Variants in POU2F2 observed in about 807,000 individuals in gnomAD.
POU2F2 encodes POU class 2 homeobox 2.
POU2F2 carries 14 observed loss-of-function variants against 63.5 expected under a neutral mutation model. The ratio of observed to expected loss-of-function variants is 0.22; its 90% CI spans 0.15 to 0.34. The LOEUF (loss-of-function observed/expected upper bound fraction) is 0.34, where lower values mean the gene tolerates loss of function less well. Ranked by LOEUF, POU2F2 falls within the 10% of genes least tolerant of loss-of-function variation. The pLI is 1.00. For synonymous variants in POU2F2, 306 were observed against 348.6 expected, an observed-to-expected ratio of 0.88 and a Z score of 1.36; for missense variants, 607 against 815.2, an observed-to-expected ratio of 0.74 and a Z score of 3.11.
At chr19:42,132,336 A>G (rs1446354766) in intron 1 of POU2F2, 48 bp downstream of exon 1, 2 of 1,583,914 alleles carry the variant, frequency 1.3e-6, no homozygotes, top group South Asian at 1.1e-5. Flanking sequence ...GCAAACCTAA[A>G]TGTGCTGCCT....
At chr19:42,112,029 C>T (rs1184670207) in intron 5 of POU2F2, among the ~76,000 whole-genome samples, 1 of 152,208 alleles carries the variant, frequency 6.6e-6, no homozygotes, top group Non-Finnish European at 1.5e-5. Context: ...AAAATACCTA[C>T]ATATGGACTG....
chr19:42,196,492 C>T (rs2035147069), exon 1 of POU2F2: 1 of 152,374 alleles, frequency 6.6e-6, no homozygotes, highest in Admixed American at 6.5e-5. Context: ...CCCCGTCACT[C>T]TGTTGAACTC....
intron 2 of POU2F2, among the ~76,000 whole-genome samples, chr19:42,154,225 G>A (rs773030562): frequency 3.3e-5 from 5 of 151,980 alleles, no homozygotes; most frequent in Non-Finnish European, 7.4e-5. Context: ...GAGCGAGAGA[G>A]ACACAAACAG....
At chr19:42,197,364 G>T (rs2035162968), upstream of POU2F2, among the ~76,000 whole-genome samples, 1 of 152,164 alleles carries the variant, frequency 6.6e-6, no homozygotes. Context: ...TCCCAGAGAG[G>T]GTCAAGGCAG....
intron 2 of POU2F2, among the ~76,000 whole-genome samples, chr19:42,150,624 C>G (rs997588071): frequency 6.6e-6 from 1 of 151,672 alleles, no homozygotes; most frequent in Non-Finnish European, 1.5e-5. Context: ...GACCAGGGCC[C>G]GAGCCGCCCT....
At chr19:42,118,085 G>A (rs958729280) in intron 4 of POU2F2, among the ~76,000 whole-genome samples, 1 of 151,986 alleles carries the variant, frequency 6.6e-6, no homozygotes, top group African/African-American at 2.4e-5. Context: ...CCACACACCT[G>A]GCTAATTTTT....
At chr19:42,127,142 G>A (rs966740926) in intron 1 of POU2F2, among the ~76,000 whole-genome samples, 1 of 151,182 alleles carries the variant, frequency 6.6e-6, no homozygotes, top group Non-Finnish European at 1.5e-5. Context: ...TTTTTGTAGA[G>A]ACGGGTCTCC....
chr19:42,104,115 G>T (rs2077247291), intron 5 of POU2F2, among the ~76,000 whole-genome samples: 1 of 152,148 alleles, frequency 6.6e-6, no homozygotes, highest in African/African-American at 2.4e-5. Context: ...AGCTCTGGAT[G>T]GAAATACACT....
intron 7 of POU2F2, chr19:42,099,297 C>T: frequency 1.9e-6 from 1 of 530,980 alleles, no homozygotes; most frequent in Non-Finnish European, 3.4e-6. Context: ...AGCTCATGTA[C>T]TAGAAAGGGT....
At chr19:42,099,048 C>T (rs1033818228) in intron 7 of POU2F2, among the ~76,000 whole-genome samples, 2 of 152,184 alleles carry the variant, frequency 1.3e-5, no homozygotes, top group Admixed American at 6.5e-5. Flanking sequence ...ATTTAGTTGA[C>T]AATGACCAAA....
At chr19:42,189,865 A>G (rs1484889379) in intron 1 of POU2F2, among the ~76,000 whole-genome samples, 12 of 152,226 alleles carry the variant, frequency 7.9e-5, no homozygotes, top group Admixed American at 7.2e-4. Context: ...TGGGACCACA[A>G]CAAGTGCACA....
intron 2 of POU2F2, among the ~76,000 whole-genome samples, chr19:42,143,484 T>C (rs948462267): frequency 2.4e-4 from 36 of 152,196 alleles, no homozygotes; most frequent in African/African-American, 8.4e-4. Flanking sequence ...AGAAACAGAC[T>C]TAATATAAGT....
rs1459294311 is a variant in POU2F2, at chr19:42,092,497, C to A, written c.1265-227G>T. 2.0e-5 allele frequency among the ~76,000 whole-genome samples: 3 copies of A among 152,208 alleles called. No individual in the cohort carries two copies. Among genetic ancestry groups the A allele is most frequent in the Non-Finnish European group, 4.4e-5 (3 of 68,042 alleles). ...GTCAGAGCAGGTGCTTCCTGCTGAG[C>A]CCTGGCACTCTACACTCCCTGCCCT... On this transcript the variant is annotated intron_variant, in intron 12 of 14. Coordinates refer to ENST00000692977, the MANE Select transcript of POU2F2 (RefSeq NM_001394376.1). The surrounding 1 kb of genome is among the most constrained non-coding windows in gnomAD (Gnocchi z 5.0).
chr19:42,095,166 T>C lies in POU2F2; in HGVS notation c.1197+120A>G, dbSNP rs778311496. 29 of 1,289,586 alleles carry C rather than the reference T, an allele frequency of 2.2e-5. No homozygotes were observed. Among genetic ancestry groups the C allele is most frequent in the Non-Finnish European group, 2.7e-5 (26 of 960,568 alleles). 79.9% of individuals were successfully genotyped at this position (1,289,586 alleles called of 1,614,324 possible). ...GTGCCCATCTACGTGATGGCCTGTC[T>C]CCAAGAGTGACTCTTCTTGTCTCTG... On this transcript the variant is annotated intron_variant, in intron 11 of 14. Transcript: ENST00000692977. This position sits in a 1 kb window ranked among gnomAD's most constrained non-coding sequence, Gnocchi z 7.1.
chr19:42,187,285 G>A (rs867047456), intron 1 of POU2F2, among the ~76,000 whole-genome samples: 5 of 152,028 alleles, frequency 3.3e-5, no homozygotes, highest in Non-Finnish European at 5.9e-5. Context: ...CCAACATGGC[G>A]AAACCCCGTC....
chr19:42,095,770 A>AC lies in POU2F2; in HGVS notation c.871+17dup, dbSNP rs1287726273. 6.2e-7 allele frequency: 1 copy of AC among 1,612,584 alleles called. No homozygotes were observed. Among genetic ancestry groups the AC allele is most frequent in the Admixed American group, 1.7e-5 (1 of 59,976 alleles). Reference sequence around the variant, plus strand: ...GCCACTGCCCGCCCCCTACGCGGGAACCCCAGCCTGGTCCCACCTGCATCG... The same window carrying AC: ...GCCACTGCCCGCCCCCTACGCGGGAACCCCCAGCCTGGTCCCACCTGCATCG... On this transcript the variant is annotated intron_variant, in intron 9 of 14. Coordinates refer to ENST00000692977, the MANE Select transcript of POU2F2 (RefSeq NM_001394376.1). This position sits in a 1 kb window ranked among gnomAD's most constrained non-coding sequence, Gnocchi z 7.1.
chr19:42,167,137 A>C (rs2034668530), intron 1 of POU2F2, among the ~76,000 whole-genome samples: 1 of 152,196 alleles, frequency 6.6e-6, no homozygotes, highest in Admixed American at 6.5e-5. Flanking sequence ...AAGGAAAATA[A>C]AGCAGGGAGA....
chr19:42,190,266 T>TA (rs1261967596), intron 1 of POU2F2, among the ~76,000 whole-genome samples: 2 of 150,512 alleles, frequency 1.3e-5, no homozygotes, highest in African/African-American at 2.5e-5. Context: ...TTCATTTGTT[T>TA]AAAAAAATCT....
intron 5 of POU2F2, chr19:42,110,459 C>T (rs779466040): frequency 1.2e-4 from 20 of 162,104 alleles, no homozygotes; most frequent in East Asian, 3.6e-4. Context: ...AACAAGGAAA[C>T]GCCTAACCTA....
Sources: gnomAD v4.1 joint callset for allele counts (sites outside exome capture counted in the v4.1 genomes callset) on GRCh38, gnomAD v4.1.1 for gene constraint, Gnocchi (gnomAD v3.1) non-coding constraint, MANE v1.5 for transcripts, NCBI Gene and HGNC (gene_info 2026-07-23, HGNC 2026-07-21) for gene names.